Variants in DACH1 observed in about 807,000 individuals in gnomAD.
DACH1 encodes the protein dachshund homolog 1.
Under a neutral mutation model 54.2 loss-of-function variants are expected in DACH1, and 12 were observed. The observed-to-expected ratio is 0.22, with a 90% confidence interval of 0.14 to 0.36. The LOEUF (loss-of-function observed/expected upper bound fraction) is 0.36. Among genes scored for constraint, DACH1 ranks in the 10% least tolerant of loss-of-function variants. The pLI is 1.00. For synonymous variants in DACH1, 386 were observed against 366.2 expected (o/e 1.05, Z -0.62); for missense variants, 805 against 929.8 (o/e 0.87, Z 1.75).
At chr13:71,760,127 C>T (rs1885341881) in intron 1 of DACH1, among the ~76,000 whole-genome samples, 1 of 152,186 alleles carries the variant, frequency 6.6e-6, no homozygotes, top group South Asian at 2.1e-4. Context: ...CCAATTTACT[C>T]CTCTTAGTTC....
intron 1 of DACH1, among the ~76,000 whole-genome samples, chr13:71,865,164 C>A (rs903720267): frequency 6.6e-6 from 1 of 152,092 alleles, no homozygotes; most frequent in Non-Finnish European, 1.5e-5. Flanking sequence ...CCTTTATTTC[C>A]TTTGCACACG....
chr13:71,862,319 CAG>C (rs2138294845), intron 1 of DACH1, among the ~76,000 whole-genome samples: 1 of 152,102 alleles, frequency 6.6e-6, no homozygotes, highest in South Asian at 2.1e-4. Flanking sequence ...CTTATACAAA[CAG>C]AGATTTGACC....
intron 6 of DACH1, among the ~76,000 whole-genome samples, chr13:71,554,416 G>T (rs79420557): frequency 6.6e-6 from 1 of 151,916 alleles, no homozygotes; most frequent in African/African-American, 2.4e-5. Context: ...GGAAACTGTC[G>T]GGCTATGGTC....
intron 1 of DACH1, among the ~76,000 whole-genome samples, chr13:71,723,011 C>T (rs1883299191): frequency 6.6e-6 from 1 of 152,088 alleles, no homozygotes; most frequent in Non-Finnish European, 1.5e-5. Flanking sequence ...GCAGAATGTG[C>T]TGAGTTCCAG....
rs571251077 is a variant in DACH1, at chr13:71,821,954, G to A, written c.848+43968C>T. 2.1e-3 allele frequency among the ~76,000 whole-genome samples: 312 copies of A among 152,092 alleles called. 4 individuals are homozygous for A. The South Asian group carries it at 0.052, about 26-fold the overall frequency. ...TGTGTGCCTGTAGTCCCAGCTACTC[G>A]GGAGGCTGAGGCAGGAGAATTGCTT... On this transcript the variant is annotated intron_variant, in intron 1 of 10. Transcript: ENST00000613252.
intron 6 of DACH1, among the ~76,000 whole-genome samples, chr13:71,544,018 T>G (rs532645770): frequency 6.6e-6 from 1 of 152,106 alleles, no homozygotes; most frequent in South Asian, 2.1e-4. Flanking sequence ...TAGGTTTAAA[T>G]AGGCTATTTC....
chr13:71,654,590 G>A (rs1239924704), intron 2 of DACH1, among the ~76,000 whole-genome samples: 3 of 151,804 alleles, frequency 2.0e-5, no homozygotes, highest in Non-Finnish European at 4.4e-5. Flanking sequence ...CTTAACTACT[G>A]TACTATAAGT....
chr13:71,789,338 A>T (rs76555291), intron 1 of DACH1, among the ~76,000 whole-genome samples: 619 of 152,248 alleles, frequency 4.1e-3, no homozygotes, highest in African/African-American at 0.014. Flanking sequence ...GAATATGAAG[A>T]TTAGACACCC....
At chr13:71,724,132 G>A (rs1019541260) in intron 1 of DACH1, among the ~76,000 whole-genome samples, 4 of 152,092 alleles carry the variant, frequency 2.6e-5, no homozygotes, top group African/African-American at 7.2e-5. Context: ...AAATAAATTC[G>A]TATCTAATGG....
intron 7 of DACH1, among the ~76,000 whole-genome samples, chr13:71,488,455 A>G (rs1170496758): frequency 6.6e-6 from 1 of 152,178 alleles, no homozygotes; most frequent in East Asian, 1.9e-4. Flanking sequence ...CACATAGGAA[A>G]TCCGTGGAAA....
At chr13:71,712,744 A>T (rs2138782190) in intron 1 of DACH1, among the ~76,000 whole-genome samples, 1 of 152,260 alleles carries the variant, frequency 6.6e-6, no homozygotes, top group African/African-American at 2.4e-5. Flanking sequence ...TAAAATAAAT[A>T]CTTATTTCAA....
chr13:71,520,932 C>T (rs1881555535), intron 6 of DACH1, among the ~76,000 whole-genome samples: 1 of 151,802 alleles, frequency 6.6e-6, no homozygotes, highest in South Asian at 2.1e-4. Context: ...ACTATATTTC[C>T]CACTTATAAA....
intron 10 of DACH1, among the ~76,000 whole-genome samples, chr13:71,449,953 A>C (rs2138113453): frequency 6.6e-6 from 1 of 151,344 alleles, no homozygotes; most frequent in Middle Eastern, 3.4e-3. Flanking sequence ...TAGCATTTGG[A>C]GATATACCTA....
At chr13:71,800,689 A>G (rs1266593120) in intron 1 of DACH1, among the ~76,000 whole-genome samples, 1 of 152,110 alleles carries the variant, frequency 6.6e-6, no homozygotes, top group Non-Finnish European at 1.5e-5. Flanking sequence ...CCTCTGAAAA[A>G]TATTAAGATG....
chr13:71,821,091 A>G (rs898251137), intron 1 of DACH1, among the ~76,000 whole-genome samples: 6 of 152,132 alleles, frequency 3.9e-5, no homozygotes, highest in Non-Finnish European at 7.4e-5. Context: ...TAGGAGGTAT[A>G]CTCTATAGAC....
intron 1 of DACH1, among the ~76,000 whole-genome samples, chr13:71,776,297 T>C (rs895047269): frequency 6.6e-6 from 1 of 152,160 alleles, no homozygotes. Flanking sequence ...TTTTAGGATG[T>C]ATTCAAGATA....
chr13:71,506,406 G>C (rs972092415), intron 6 of DACH1, among the ~76,000 whole-genome samples: 9 of 150,298 alleles, frequency 6.0e-5, no homozygotes, highest in Middle Eastern at 3.4e-3. Flanking sequence ...TTGTTCTTGC[G>C]ATAGTTTACT....
chr13:71,676,313 G>A (rs1187662945), intron 2 of DACH1, among the ~76,000 whole-genome samples: 3 of 152,064 alleles, frequency 2.0e-5, no homozygotes, highest in Admixed American at 6.5e-5. Flanking sequence ...CTCTTTCCGA[G>A]TTCAGGCGAT....
At chr13:71,596,381 C>T (rs779520522) in intron 3 of DACH1, among the ~76,000 whole-genome samples, 2 of 152,002 alleles carry the variant, frequency 1.3e-5, no homozygotes, top group African/African-American at 2.4e-5. Context: ...GCGCTAATAG[C>T]CTACTGGAGA....
Sources: allele counts gnomAD v4.1 joint callset (sites outside exome capture counted in the v4.1 genomes callset), GRCh38; gene constraint gnomAD v4.1.1; transcripts MANE v1.5; gene names NCBI Gene and HGNC (gene_info 2026-07-23, HGNC 2026-07-21).